KCNH6: variants seen among roughly 807,000 people sequenced by gnomAD.
KCNH6 encodes potassium voltage-gated channel subfamily H member 6.
Under a neutral mutation model 83.4 loss-of-function variants are expected in KCNH6, and 81 were observed. The ratio of observed to expected loss-of-function variants is 0.97; its 90% CI spans 0.81 to 1.17. The LOEUF (loss-of-function observed/expected upper bound fraction) is 1.17, where lower values mean the gene tolerates loss of function less well. Ranked by LOEUF, KCNH6 falls within the 50% of genes most tolerant of loss-of-function variation. The pLI is 0.00. For synonymous variants in KCNH6, 503 were observed against 545.6 expected (o/e 0.92, Z 1.09); for missense variants, 1,203 against 1,290.5 (o/e 0.93, Z 1.04).
At chr17:63,536,273 T>G (rs2032495687) in intron 6 of KCNH6, 1 of 583,100 alleles carries the variant, frequency 1.7e-6, no homozygotes, top group Non-Finnish European at 3.0e-6. Flanking sequence ...CCATGCTATC[T>G]GCCAGGCACC....
intron 2 of KCNH6, among the ~76,000 whole-genome samples, chr17:63,525,127 A>G (rs2031619367): frequency 1.3e-5 from 2 of 152,204 alleles, no homozygotes; most frequent in Admixed American, 1.3e-4. Context: ...GTTTTCCAAA[A>G]CATGCTTTCT....
Position 63,535,620 on chromosome 17 carries a change from C to G in KCNH6, c.1102-49C>G, listed in dbSNP as rs938051744. 1 of 1,533,156 alleles carries G rather than the reference C, an allele frequency of 6.5e-7. No individual in the cohort carries two copies. Among genetic ancestry groups the G allele is most frequent in the African/African-American group, 1.4e-5 (1 of 72,926 alleles). 95.0% of individuals were successfully genotyped at this position (1,533,156 alleles called of 1,614,324 possible). ...TGAACAAAAGCAGGCCTGACTGCACCCTTCCAAGGGCTGACCCCAGCCCTG... is the reference window on the plus strand; with the variant it reads ...TGAACAAAAGCAGGCCTGACTGCACGCTTCCAAGGGCTGACCCCAGCCCTG... On this transcript the variant is annotated intron_variant, in intron 5 of 12. Transcript: ENST00000314672. This position sits in a 1 kb window ranked among gnomAD's most constrained non-coding sequence, Gnocchi z 4.9.
At chr17:63,545,397 C>T (rs1360743105) in intron 12 of KCNH6, 133 bp downstream of exon 12, 5 of 1,029,032 alleles carry the variant, frequency 4.9e-6, no homozygotes, top group African/African-American at 4.8e-5. Flanking sequence ...CTGCTTACCT[C>T]CTTTATGATC....
rs370340175 is a variant in KCNH6, at chr17:63,534,069, G to A, written c.859G>A (p.Glu287Lys). The change falls in exon 5 of 13, where the codon GAA (glutamate) becomes AAA (lysine). Residue 287 changes from glutamate to lysine, a missense_variant. Transcript: ENST00000314672. The surrounding 1 kb of genome is among the most constrained non-coding windows in gnomAD (Gnocchi z 5.0). ...CGCCTTCCTGCTCAGCGATCAGGAC[G>A]AATCACGGCGTGGGGCCTGCAGCTA... ...SAAFLLSDQD[E>K]SRRGACSYTC... The A allele has an allele frequency of 3.2e-5, 51 of 1,614,156 alleles. No homozygotes were observed. The African/African-American group carries it at 3.7e-4, about 12-fold the overall frequency.
intron 2 of KCNH6, among the ~76,000 whole-genome samples, chr17:63,527,986 C>A (rs955852777): frequency 1.3e-5 from 2 of 152,152 alleles, no homozygotes; most frequent in Non-Finnish European, 2.9e-5. Flanking sequence ...CCAATTGCAT[C>A]AATTTTCCAG....
At position 63,544,255 on chromosome 17, in the gene KCNH6, C is replaced by A. The variant is rs145199882; in HGVS notation, c.2240C>A (p.Ala747Asp). 1.2e-5 allele frequency: 19 copies of A among 1,581,410 alleles called. No individual in the cohort carries two copies. The African/African-American group carries it at 2.6e-4, about 21-fold the overall frequency. Reference protein sequence around the residue: ...FFLSDNQSDAAPPLSISDASG... With the variant: ...FFLSDNQSDADPPLSISDASG... ...TTCCCTTTCCCTCCTGCAGATGCAG[C>A]CCCTCCCCTGAGCATCTCAGATGCA... The change falls in exon 11 of 13, where the codon GCC becomes GAC. Residue 747 changes from alanine (A) to aspartate (D), a missense_variant. By Grantham distance (126) the Ala-to-Asp change is moderately radical. Coordinates refer to ENST00000314672, the MANE Select transcript of KCNH6 (RefSeq NM_001278919.2).
rs149486027 is a variant in KCNH6 at position 63,535,239 on chromosome 17, A to G, written c.1102-430A>G. On this transcript the variant is annotated intron_variant, in intron 5 of 12. Transcript: ENST00000314672. The surrounding 1 kb of genome is among the most constrained non-coding windows in gnomAD (Gnocchi z 4.9). ...CTGCTCCTCCATCTCCCATGTGCGC[A>G]TCGGGCTGCAGTGCCACACTCGGTT... 5.1e-3 allele frequency among the ~76,000 whole-genome samples: 771 copies of G among 152,230 alleles called. 5 individuals are homozygous for G. The highest frequency in any genetic ancestry group is 0.017 in the African/African-American group (713 of 41,520).
chr17:63,544,775 T>C (rs2033061679), intron 11 of KCNH6, among the ~76,000 whole-genome samples: 1 of 152,080 alleles, frequency 6.6e-6, no homozygotes, highest in Admixed American at 6.6e-5. Context: ...GGCAAGTTAC[T>C]AAACAGCTCT....
chr17:63,530,121 T>C lies in KCNH6; in HGVS notation c.338T>C (p.Val113Ala). The change falls in exon 3 of 13, where the codon GTG (valine) becomes GCG (alanine). Residue 113 changes from valine to alanine, a missense_variant. Coordinates refer to ENST00000314672, the MANE Select transcript of KCNH6 (RefSeq NM_001278919.2). ...ASSFRCLVDV[V>A]PVKNEDGAVI... ...AGCTTCCGCTGCCTGGTAGATGTGG[T>C]GCCCGTGAAGAACGAGGACGGGGCT... is the stretch of plus-strand genomic sequence containing the variant. 1 of 1,613,800 alleles carries C rather than the reference T, an allele frequency of 6.2e-7. No homozygotes were observed. Among genetic ancestry groups the C allele is most frequent in the Non-Finnish European group, 8.5e-7 (1 of 1,180,038 alleles).
chr17:63,523,651 G>A lies in KCNH6; in HGVS notation c.76+162G>A, dbSNP rs1010887460. ...TGTCCCCAACACCTTCTCCTCCAGG[G>A]GGACCCGCTTGCCTTAAATGCTGTC... On this transcript the variant is annotated intron_variant, in intron 1 of 12. Transcript: ENST00000314672. The surrounding 1 kb of genome is among the most constrained non-coding windows in gnomAD (Gnocchi z 4.2). Among the ~76,000 whole-genome samples, 18 of 152,016 alleles carry A rather than the reference G, an allele frequency of 1.2e-4. No homozygotes were observed. Among genetic ancestry groups the A allele is most frequent in the African/African-American group, 3.1e-4 (13 of 41,356 alleles).
chr17:63,538,525 TAGCC>T lies in KCNH6; in HGVS notation c.1818_1821del (p.Ala607SerfsTer44). 6.2e-7 allele frequency: 1 copy of T among 1,607,960 alleles called. No individual in the cohort carries two copies. Among genetic ancestry groups the T allele is most frequent in the East Asian group, 2.2e-5 (1 of 44,564 alleles). On this transcript the variant is annotated frameshift_variant, in exon 8 of 13. Coordinates refer to ENST00000314672, the MANE Select transcript of KCNH6 (RefSeq NM_001278919.2). LOFTEE classifies it high-confidence loss of function. The surrounding 1 kb of genome is among the most constrained non-coding windows in gnomAD (Gnocchi z 4.0). ...GCCGGCAAGGGCTGCCTGCGCGCGC[TAGCC>T]GTCAAGTTCAAGACCACCCACGCGC...
chr17:63,535,538 C>A lies in KCNH6; in HGVS notation c.1102-131C>A, dbSNP rs1324042758. The A allele has an allele frequency of 1.2e-6, 1 of 827,374 alleles. No individual in the cohort carries two copies. The highest frequency in any genetic ancestry group is 1.9e-6 in the Non-Finnish European group (1 of 533,974). The allele number at this position is 827,374 out of a possible 1,614,324, so 51.3% of individuals were successfully genotyped here. ...CTGTGCCACACTGCCAAGTGCGTGG[C>A]CCGGAGGAAGTTCTCCATAAATGTT... On this transcript the variant is annotated intron_variant, in intron 5 of 12. Coordinates refer to ENST00000314672, the MANE Select transcript of KCNH6 (RefSeq NM_001278919.2). This position sits in a 1 kb window ranked among gnomAD's most constrained non-coding sequence, Gnocchi z 4.9.
chr17:63,545,197 T>C lies in KCNH6; in HGVS notation c.2516T>C (p.Val839Ala), dbSNP rs767754316. The C allele has an allele frequency of 6.2e-7, 1 of 1,613,762 alleles. No individual in the cohort carries two copies. Among genetic ancestry groups the C allele is most frequent in the South Asian group, 1.1e-5 (1 of 91,082 alleles). Reference sequence around the variant, plus strand: ...CCTGCCTCCAATGACCTGGCCTTGGTTCCTATAGCCTCGGAGACGACGAGT... The same window carrying C: ...CCTGCCTCCAATGACCTGGCCTTGGCTCCTATAGCCTCGGAGACGACGAGT... Reference protein sequence around the residue: ...EAPASNDLALVPIASETTSPG... With the variant: ...EAPASNDLALAPIASETTSPG... The change falls in exon 12 of 13, where the codon GTT becomes GCT. Residue 839 changes from valine (V) to alanine (A), a missense_variant. By Grantham distance (64) the Val-to-Ala change is moderately conservative. Coordinates refer to ENST00000314672, the MANE Select transcript of KCNH6 (RefSeq NM_001278919.2).
chr17:63,538,405 T>A lies in KCNH6; in HGVS notation c.1702-5T>A. 1 of 1,593,616 alleles carries A rather than the reference T, an allele frequency of 6.3e-7. No homozygotes were observed. The highest frequency in any genetic ancestry group is 8.5e-7 in the Non-Finnish European group (1 of 1,171,178). On this transcript the variant is annotated splice_polypyrimidine_tract_variant and splice_region_variant and intron_variant, in intron 7 of 12. Coordinates refer to ENST00000314672, the MANE Select transcript of KCNH6 (RefSeq NM_001278919.2). The surrounding 1 kb of genome is among the most constrained non-coding windows in gnomAD (Gnocchi z 4.0). ...TCCCGCTGGACTTGGCCGCCCGCCT[T>A]GCAGGTGCTGAAGGGCTTCCCCGAG... is the stretch of plus-strand genomic sequence containing the variant.
chr17:63,538,208 C>G lies in KCNH6; in HGVS notation c.1645C>G (p.Leu549Val). ...HQIPNPLRQR[L>V]EEYFQHAWSY... Reference sequence around the variant, plus strand: ...GATCCCCAACCCACTGCGCCAGCGCCTGGAGGAGTATTTCCAGCACGCCTG... The same window carrying G: ...GATCCCCAACCCACTGCGCCAGCGCGTGGAGGAGTATTTCCAGCACGCCTG... Residue 549 changes from leucine to valine, a missense_variant, in exon 7 of 13, where the codon CTG (leucine) becomes GTG (valine). Leu to Val is a conservative substitution (Grantham distance 32). Coordinates refer to ENST00000314672, the MANE Select transcript of KCNH6 (RefSeq NM_001278919.2). The surrounding 1 kb of genome is among the most constrained non-coding windows in gnomAD (Gnocchi z 4.0). 3 of 1,614,250 alleles carry G rather than the reference C, an allele frequency of 1.9e-6. No homozygotes were observed. Among genetic ancestry groups the G allele is most frequent in the Middle Eastern group, 3.3e-4 (2 of 6,062 alleles).
Position 63,534,097 on chromosome 17 carries a change from C to T in KCNH6, c.887C>T (p.Thr296Ile), listed in dbSNP as rs1331905868. 9.4e-6 allele frequency: 6 copies of T among 636,278 alleles called. No individual in the cohort carries two copies. The Admixed American group carries it at 1.0e-4, about 11-fold the overall frequency. 39.4% of individuals were successfully genotyped at this position (636,278 alleles called of 1,614,324 possible). Residue 296 changes from threonine to isoleucine, a missense_variant, in exon 5 of 13, where the codon ACC becomes ATC. Thr to Ile is a moderately conservative substitution (Grantham distance 89, BLOSUM62 -1). Transcript: ENST00000314672. This position sits in a 1 kb window ranked among gnomAD's most constrained non-coding sequence, Gnocchi z 5.0. ...TCACGGCGTGGGGCCTGCAGCTATA[C>T]CTGCAGTCCCCTCACTGTGGTGGAT... ...DESRRGACSY[T>I]CSPLTVVDLI...
intron 2 of KCNH6, 24 bp from the exon 3 acceptor site, chr17:63,530,067 C>T (rs1359842616): frequency 1.9e-6 from 3 of 1,610,846 alleles, no homozygotes; most frequent in Non-Finnish European, 2.5e-6. Context: ...GGCCCACCCC[C>T]CATCCTCCCA....
chr17:63,536,244 T>C (rs2147686833), intron 6 of KCNH6, 176 bp downstream of exon 6: 1 of 621,754 alleles, frequency 1.6e-6, no homozygotes, highest in East Asian at 2.7e-5. Flanking sequence ...GTGTATACAA[T>C]ATTTAACACC....
In KCNH6 at chr17:63,544,229, C is replaced by T. The variant is rs373619104; in HGVS notation, c.2234-20C>T. Reference sequence around the variant, plus strand: ...TGGAACCAGCTAGGCCCAGCTGAGACTTCCCTTTCCCTCCTGCAGATGCAG... The same window carrying T: ...TGGAACCAGCTAGGCCCAGCTGAGATTTCCCTTTCCCTCCTGCAGATGCAG... On this transcript the variant is annotated intron_variant, in intron 10 of 12. Transcript: ENST00000314672. 3.2e-6 allele frequency: 5 copies of T among 1,586,128 alleles called. No individual in the cohort carries two copies. Among genetic ancestry groups the T allele is most frequent in the Non-Finnish European group, 4.3e-6 (5 of 1,163,230 alleles).
Sources: allele counts gnomAD v4.1 joint callset (sites outside exome capture counted in the v4.1 genomes callset), GRCh38; gene constraint gnomAD v4.1.1; non-coding constraint Gnocchi (gnomAD v3.1); transcripts MANE v1.5; gene names NCBI Gene and HGNC (gene_info 2026-07-23, HGNC 2026-07-21).